Variants in UCP1 observed in about 807,000 individuals in gnomAD.
The protein encoded by UCP1 is mitochondrial brown fat uncoupling protein 1.
Under a neutral mutation model 26.2 loss-of-function variants are expected in UCP1, and 24 were observed. The ratio of observed to expected loss-of-function variants is 0.92; its 90% CI spans 0.66 to 1.29. UCP1 has a LOEUF of 1.29. Among genes scored for constraint, UCP1 ranks in the 50% most tolerant of loss-of-function variants. UCP1 has a pLI of 0.00. For missense variants in UCP1, 402 were observed against 388.7 expected (o/e 1.03, Z -0.29); for synonymous variants, 164 against 156.8 (o/e 1.05, Z -0.34).
At position 140,561,357 on chromosome 4, in the gene UCP1, CCTT is replaced by C. The variant is rs568352524; in HGVS notation, c.809+833_809+835del. 7.0e-3 allele frequency among the ~76,000 whole-genome samples: 1,064 copies of C among 152,188 alleles called. 6 individuals are homozygous for C. The highest frequency in any genetic ancestry group is 9.7e-3 in the Non-Finnish European group (663 of 68,002). The stretch of plus-strand genomic sequence containing the variant: ...TAATACTGTATTTTCTCCTCCTTCT[CCTT>C]CTTCTTTTTTGAGACAGGGACTTGC... On this transcript the variant is annotated intron_variant, in intron 5 of 5. Coordinates refer to ENST00000262999, the MANE Select transcript of UCP1 (RefSeq NM_021833.5).
chr4:140,562,212 G>A lies in UCP1; in HGVS notation c.790C>T (p.Pro264Ser). ...TCTTACCCCTTGAAGAAAGCCGTTGGTCCTTCGTTAGTGAACACTTTCATT... is the reference window on the plus strand; with the variant it reads ...TCTTACCCCTTGAAGAAAGCCGTTGATCCTTCGTTAGTGAACACTTTCATT... ...CAMKVFTNEG[P>S]TAFFKGLVPS... The change falls in exon 5 of 6, where the codon CCA becomes TCA. Residue 264 changes from proline (P) to serine (S), a missense_variant. Physicochemically the swap from Pro to Ser is moderately conservative, Grantham distance 74 (BLOSUM62 -1). Coordinates refer to ENST00000262999, the MANE Select transcript of UCP1 (RefSeq NM_021833.5). The A allele has an allele frequency of 6.2e-7, 1 of 1,614,182 alleles. No homozygotes were observed. Among genetic ancestry groups the A allele is most frequent in the East Asian group, 2.2e-5 (1 of 44,892 alleles).
rs1177178113 is a variant in UCP1, at chr4:140,559,481, G to A, written c.*415C>T. 1 of 183,384 alleles carries A rather than the reference G, an allele frequency of 5.5e-6. No homozygotes were observed. The highest frequency in any genetic ancestry group is 1.1e-5 in the Non-Finnish European group (1 of 88,438). 11.4% of individuals were successfully genotyped at this position (183,384 alleles called of 1,614,324 possible). On this transcript the variant is annotated 3_prime_UTR_variant, in exon 6 of 6. Coordinates refer to ENST00000262999, the MANE Select transcript of UCP1 (RefSeq NM_021833.5). ...TTGAATATATTAACTGACAACTGTG[G>A]TTAATAAAAACTAATATTTTTAATA...
At chr4:140,564,968 C>A (rs1369007756) in intron 2 of UCP1, among the ~76,000 whole-genome samples, 1 of 152,180 alleles carries the variant, frequency 6.6e-6, no homozygotes, top group Non-Finnish European at 1.5e-5. Flanking sequence ...CGCTACTCTG[C>A]TGAAGATGTT....
At position 140,568,784 on chromosome 4, in the gene UCP1, G is replaced by A. The variant is rs1055332388; in HGVS notation, c.-55C>T. On this transcript the variant is annotated 5_prime_UTR_variant, in exon 1 of 6. Transcript: ENST00000262999. ...AAAGGGCTCCAGCCCCGAAGGTGGA[G>A]GAAGTTCCTTTCCCTTGCTCTTCAC... 5.2e-6 allele frequency: 8 copies of A among 1,543,928 alleles called. No homozygotes were observed. The highest frequency in any genetic ancestry group is 8.7e-7 in the Non-Finnish European group (1 of 1,149,790).
Position 140,568,740 on chromosome 4 carries a change from A to C in UCP1, c.-11T>G. The C allele has an allele frequency of 3.2e-6, 5 of 1,580,584 alleles. No homozygotes were observed. The highest frequency in any genetic ancestry group is 4.3e-6 in the Non-Finnish European group (5 of 1,166,380). On this transcript the variant is annotated 5_prime_UTR_variant, in exon 1 of 6. Coordinates refer to ENST00000262999, the MANE Select transcript of UCP1 (RefSeq NM_021833.5). ...TGTCAGGCCCCCCATCTTCACTCAG[A>C]GACTGGAGATGCAGAGGAAAAGGGC...
At chr4:140,566,583 A>G (rs1483903280) in intron 2 of UCP1, among the ~76,000 whole-genome samples, 1 of 152,248 alleles carries the variant, frequency 6.6e-6, no homozygotes, top group African/African-American at 2.4e-5. Flanking sequence ...TGTGTGGATA[A>G]GTATAACTTA....
intron 5 of UCP1, among the ~76,000 whole-genome samples, chr4:140,561,788 G>A (rs1247153429): frequency 6.6e-6 from 1 of 152,204 alleles, no homozygotes; most frequent in Non-Finnish European, 1.5e-5. Context: ...TGGTGGTGAT[G>A]TCTTATCTCT....
chr4:140,565,899 G>A (rs1735785249), intron 2 of UCP1, among the ~76,000 whole-genome samples: 1 of 152,186 alleles, frequency 6.6e-6, no homozygotes, highest in African/African-American at 2.4e-5. Context: ...TTAGAACAGA[G>A]CTGAAAAATT....
chr4:140,562,408 C>T, intron 4 of UCP1, 35 bp from the exon 5 acceptor site: 2 of 1,609,656 alleles, frequency 1.2e-6, no homozygotes, highest in South Asian at 1.1e-5. Flanking sequence ...CAACATCAGA[C>T]TTTTGGGGGC....
intron 5 of UCP1, 45 bp from the exon 6 acceptor site, chr4:140,560,055 T>C: frequency 6.4e-7 from 1 of 1,567,218 alleles, no homozygotes. Flanking sequence ...TTTGATTTTT[T>C]TTTTTTTTAA....
intron 2 of UCP1, among the ~76,000 whole-genome samples, chr4:140,565,060 C>T (rs113864289): frequency 1.3e-5 from 2 of 152,082 alleles, no homozygotes; most frequent in Admixed American, 1.3e-4. Context: ...GCTGTTTGAC[C>T]CTATTGGTAG....
intron 2 of UCP1, among the ~76,000 whole-genome samples, chr4:140,564,853 C>T (rs1735762626): frequency 6.6e-6 from 1 of 151,114 alleles, no homozygotes; most frequent in African/African-American, 2.4e-5. Context: ...GGAAAAGAGG[C>T]TTTTTTTTTA....
chr4:140,568,857 G>A lies in UCP1; in HGVS notation c.-128C>T, dbSNP rs879791279. The A allele has an allele frequency of 1.4e-6, 2 of 1,444,040 alleles. No homozygotes were observed. Among genetic ancestry groups the A allele is most frequent in the African/African-American group, 2.8e-5 (2 of 71,006 alleles). The allele number at this position is 1,444,040 out of a possible 1,614,324, so 89.5% of individuals were successfully genotyped here. A position where few individuals can be genotyped will look rare whatever the true frequency, so the allele number is the denominator to read the frequency against. ...CCGATTTCTGTTTTTTGAACCGACC[G>A]CCGGGCAGCGGCGGTGCAGAGGCGG... On this transcript the variant is annotated 5_prime_UTR_variant, in exon 1 of 6. Coordinates refer to ENST00000262999, the MANE Select transcript of UCP1 (RefSeq NM_021833.5).
At position 140,563,444 on chromosome 4, in the gene UCP1, TG is replaced by T. The variant is rs775039211; in HGVS notation, c.399del (p.Thr134GlnfsTer4). On this transcript the variant is annotated frameshift_variant, in exon 3 of 6. Coordinates refer to ENST00000262999, the MANE Select transcript of UCP1 (RefSeq NM_021833.5). LOFTEE classifies it high-confidence loss of function. ...TGGVAVFIGQ[P>X]TEVVKVRLQA... is the part of the protein sequence containing the mutation. ...TGAAGTCTGACTTTCACGACCTCTG[TG>T]GGTTGCCCAATGAATACTGCCACTC... 1.8e-5 allele frequency: 29 copies of T among 1,613,996 alleles called. No homozygotes were observed. In the African/African-American group the frequency reaches 3.6e-4, roughly 20 times the overall value.
intron 2 of UCP1, among the ~76,000 whole-genome samples, chr4:140,566,100 G>C (rs761277833): frequency 3.9e-5 from 6 of 152,150 alleles, no homozygotes; most frequent in Admixed American, 3.9e-4. Context: ...ATGCCATCTA[G>C]GTTTGTGTAA....
intron 1 of UCP1, 96 bp downstream of exon 1, chr4:140,568,508 A>G: frequency 6.3e-7 from 1 of 1,577,064 alleles, no homozygotes; most frequent in Non-Finnish European, 8.6e-7. Flanking sequence ...CCCTACCTAG[A>G]AACAGTGGTT....
rs1735631755 is a variant in UCP1, at chr4:140,559,467, AACTG to A, written c.*425_*428del. 5.4e-6 allele frequency: 1 copy of A among 184,276 alleles called. No individual in the cohort carries two copies. The highest frequency in any genetic ancestry group is 1.1e-5 in the Non-Finnish European group (1 of 89,178). 11.4% of individuals were successfully genotyped at this position (184,276 alleles called of 1,614,324 possible). On this transcript the variant is annotated 3_prime_UTR_variant, in exon 6 of 6. Coordinates refer to ENST00000262999, the MANE Select transcript of UCP1 (RefSeq NM_021833.5). ...TTAGCAATACTTTATTGAATATATT[AACTG>A]ACAACTGTGGTTAATAAAAACTAAT...
At chr4:140,560,957 C>G (rs1424055526) in intron 5 of UCP1, among the ~76,000 whole-genome samples, 1 of 152,094 alleles carries the variant, frequency 6.6e-6, no homozygotes, top group African/African-American at 2.4e-5. Flanking sequence ...CTAGGTACCT[C>G]ATTTAAGTGT....
At position 140,559,930 on chromosome 4, in the gene UCP1, G is replaced by A; in HGVS notation, c.890C>T (p.Ser297Leu). 1 of 1,613,996 alleles carries A rather than the reference G, an allele frequency of 6.2e-7. No individual in the cohort carries two copies. The highest frequency in any genetic ancestry group is 2.2e-5 in the East Asian group (1 of 44,876). ...ACAGTCCATAGTCTGCCTTGACTTT[G>A]ACAGTTCTCGTTTCAGTTGTTCAAA... The part of the protein sequence containing the change: ...VCFEQLKREL[S>L]KSRQTMDCAT Residue 297 changes from serine (S) to leucine (L), a missense_variant, in exon 6 of 6, where the codon TCA (serine) becomes TTA (leucine). Physicochemically the swap from Ser to Leu is moderately radical, Grantham distance 145. Coordinates refer to ENST00000262999, the MANE Select transcript of UCP1 (RefSeq NM_021833.5).
Sources: allele counts gnomAD v4.1 joint callset (sites outside exome capture counted in the v4.1 genomes callset), GRCh38; gene constraint gnomAD v4.1.1; transcripts MANE v1.5; gene names NCBI Gene and HGNC (gene_info 2026-07-23, HGNC 2026-07-21).